The following ADAMTSL1 variants were observed in gnomAD, a reference collection of about 807,000 sequenced individuals.
The protein encoded by ADAMTSL1 is ADAMTS-like protein 1.
In ADAMTSL1, 126 loss-of-function variants were observed where a neutral mutation model predicts 201.8. The observed-to-expected ratio is 0.62, with a 90% confidence interval of 0.54 to 0.72. ADAMTSL1 has a LOEUF of 0.72. Ranked by LOEUF, ADAMTSL1 falls within the 30% of genes least tolerant of loss-of-function variation. The pLI, the probability that ADAMTSL1 is intolerant of heterozygous loss-of-function variation, is 0.00. For synonymous variants in ADAMTSL1, 1,121 were observed against 903.4 expected (o/e 1.24, Z -4.32); for missense variants, 2,679 against 2,277.8 (o/e 1.18, Z -3.59).
intron 2 of ADAMTSL1, among the ~76,000 whole-genome samples, chr9:18,334,606 C>G (rs1014794478): frequency 6.6e-6 from 1 of 152,120 alleles, no homozygotes; most frequent in Non-Finnish European, 1.5e-5. Context: ...GACATACTTA[C>G]AAATCATCTT....
At chr9:18,767,583 G>A (rs145949010) in intron 16 of ADAMTSL1, among the ~76,000 whole-genome samples, 1 of 152,096 alleles carries the variant, frequency 6.6e-6, no homozygotes, top group African/African-American at 2.4e-5. Context: ...ATAGCAACAG[G>A]ATTATTCTAG....
At position 18,061,002 on chromosome 9, in the gene ADAMTSL1, A is replaced by G. The variant is rs147556137; in HGVS notation, c.88-102860A>G. ...GGATGAGAACATAATGCTACCTGTT[A>G]CTCATGGCAGTTTTCTGCGACTCAG... On this transcript the variant is annotated intron_variant, in intron 1 of 29. Coordinates refer to the ADAMTSL1 transcript ENST00000680146. Among the ~76,000 whole-genome samples, 580 of 152,296 alleles carry G rather than the reference A, an allele frequency of 3.8e-3. 2 individuals are homozygous for G. The highest frequency in any genetic ancestry group is 8.3e-3 in the South Asian group (40 of 4,828).
chr9:18,054,015 G>C (rs1822059106), intron 1 of ADAMTSL1, among the ~76,000 whole-genome samples: 1 of 151,914 alleles, frequency 6.6e-6, no homozygotes, highest in South Asian at 2.1e-4. Context: ...GAATATTTCA[G>C]TAGCCTGTGC....
intron 15 of ADAMTSL1, among the ~76,000 whole-genome samples, chr9:18,725,780 G>A (rs894795031): frequency 6.6e-6 from 1 of 152,040 alleles, no homozygotes; most frequent in African/African-American, 2.4e-5. Flanking sequence ...TTAATGCTTT[G>A]CTACATACAC....
chr9:18,844,100 G>C (rs189135422), intron 23 of ADAMTSL1, among the ~76,000 whole-genome samples: 1 of 152,306 alleles, frequency 6.6e-6, no homozygotes, highest in East Asian at 1.9e-4. Flanking sequence ...CTTTGGATGA[G>C]GAGAGGTGCT....
intron 3 of ADAMTSL1, among the ~76,000 whole-genome samples, chr9:18,560,293 T>C (rs1821402038): frequency 6.6e-6 from 1 of 152,224 alleles, no homozygotes; most frequent in South Asian, 2.1e-4. Context: ...TGGTTCTGTT[T>C]ATGTGATGGA....
At chr9:18,546,608 A>C (rs917427384) in intron 3 of ADAMTSL1, among the ~76,000 whole-genome samples, 2 of 152,222 alleles carry the variant, frequency 1.3e-5, no homozygotes, top group Non-Finnish European at 2.9e-5. Context: ...ACTGTTTTAC[A>C]ATGTGTAATT....
chr9:18,811,127 A>G (rs1056558295), intron 20 of ADAMTSL1, among the ~76,000 whole-genome samples: 5 of 151,914 alleles, frequency 3.3e-5, no homozygotes, highest in Middle Eastern at 3.4e-3. Context: ...ATTCTACTCT[A>G]TGCTAGCCAA....
intron 28 of ADAMTSL1, chr9:18,907,867 G>C (rs558782238): frequency 9.6e-5 from 16 of 165,984 alleles, no homozygotes; most frequent in Non-Finnish European, 2.0e-4. Flanking sequence ...AGAACGTCCT[G>C]GTGCTGTGTT....
At chr9:18,897,995 G>A (rs945034642) in intron 26 of ADAMTSL1, among the ~76,000 whole-genome samples, 2 of 150,050 alleles carry the variant, frequency 1.3e-5, no homozygotes, top group Non-Finnish European at 3.0e-5. Context: ...GGCCAATATG[G>A]TAAAACCCCA....
intron 1 of ADAMTSL1, among the ~76,000 whole-genome samples, chr9:17,939,430 C>G (rs911139678): frequency 6.6e-6 from 1 of 151,806 alleles, no homozygotes; most frequent in Non-Finnish European, 1.5e-5. Flanking sequence ...ATGCTGTATT[C>G]AATGTCTAAA....
chr9:18,822,849 G>T (rs1824297947), intron 21 of ADAMTSL1, among the ~76,000 whole-genome samples: 1 of 152,200 alleles, frequency 6.6e-6, no homozygotes, highest in African/African-American at 2.4e-5. Flanking sequence ...CTCCGATGTT[G>T]AGGTATTCTG....
chr9:18,074,602 G>A (rs955206687), intron 1 of ADAMTSL1, among the ~76,000 whole-genome samples: 2 of 63,890 alleles, frequency 3.1e-5, no homozygotes, highest in East Asian at 9.6e-4. Context: ...TGTTGTTATT[G>A]TTGTTGAGAC....
intron 1 of ADAMTSL1, among the ~76,000 whole-genome samples, chr9:17,966,805 C>T (rs963676087): frequency 6.6e-6 from 1 of 151,808 alleles, no homozygotes; most frequent in African/African-American, 2.4e-5. Context: ...TAAGGATTTC[C>T]CTCCCCAATC....
At chr9:18,390,876 T>G (rs1838017111) in intron 2 of ADAMTSL1, among the ~76,000 whole-genome samples, 1 of 152,130 alleles carries the variant, frequency 6.6e-6, no homozygotes, top group South Asian at 2.1e-4. Context: ...CTAGTATAAG[T>G]AAGTCTGTCC....
Position 18,125,121 on chromosome 9 carries a change from A to G in ADAMTSL1, c.88-38741A>G, listed in dbSNP as rs563093286. Among the ~76,000 whole-genome samples, 4 of 152,334 alleles carry G rather than the reference A, an allele frequency of 2.6e-5. No homozygotes were observed. In the East Asian group the frequency reaches 7.7e-4, roughly 29 times the overall value. On this transcript the variant is annotated intron_variant, in intron 1 of 29. Coordinates refer to the ADAMTSL1 transcript ENST00000680146. ...TACCCAAGACTGAGCAATTTACAAG[A>G]GAAAGAGGTTTAACTGGACTCACAG...
At chr9:18,847,920 A>G (rs1420407811) in intron 23 of ADAMTSL1, among the ~76,000 whole-genome samples, 3 of 152,252 alleles carry the variant, frequency 2.0e-5, no homozygotes, top group South Asian at 2.1e-4. Context: ...AACAGATGCA[A>G]TATTGCATTG....
rs1171262644 is a variant in ADAMTSL1, at chr9:17,942,404, G to A, written c.87+35482G>A. 2.0e-5 allele frequency among the ~76,000 whole-genome samples: 3 copies of A among 152,076 alleles called. No homozygotes were observed. The East Asian group carries it at 5.8e-4, about 29-fold the overall frequency. On this transcript the variant is annotated intron_variant, in intron 1 of 29. Coordinates refer to the ADAMTSL1 transcript ENST00000680146. Reference sequence around the variant, plus strand: ...CTAGAAATTATCAATGTAATCTTTTGTTTCATAAATGATGTCACTGTCTAA... The same window carrying A: ...CTAGAAATTATCAATGTAATCTTTTATTTCATAAATGATGTCACTGTCTAA...
At chr9:18,316,473 AG>A (rs1834399540) in intron 2 of ADAMTSL1, among the ~76,000 whole-genome samples, 1 of 152,064 alleles carries the variant, frequency 6.6e-6, no homozygotes, top group African/African-American at 2.4e-5. Flanking sequence ...TCTCTTTCCC[AG>A]GGATGTTCCT....
Sources: allele counts gnomAD v4.1 joint callset (sites outside exome capture counted in the v4.1 genomes callset), GRCh38; gene constraint gnomAD v4.1.1; transcripts MANE v1.5; gene names NCBI Gene and HGNC (gene_info 2026-07-23, HGNC 2026-07-21).